CTNNA3: variants seen among roughly 807,000 people sequenced by gnomAD.
CTNNA3 encodes the protein catenin alpha 3, also known as catenin alpha-3.
Under a neutral mutation model 95.7 loss-of-function variants are expected in CTNNA3, and 76 were observed. That is an observed-to-expected ratio of 0.79 (90% CI 0.66 to 0.96). The LOEUF (loss-of-function observed/expected upper bound fraction) is 0.96. Ranked by LOEUF, CTNNA3 falls within the 40% of genes least tolerant of loss-of-function variation. CTNNA3 has a pLI of 0.00. For missense variants in CTNNA3, 1,191 were observed against 1,089.8 expected, an observed-to-expected ratio of 1.09 and a Z score of -1.31; for synonymous variants, 431 against 374.4, an observed-to-expected ratio of 1.15 and a Z score of -1.74.
At chr10:67,470,345 T>C (rs2133024470) in intron 5 of CTNNA3, among the ~76,000 whole-genome samples, 1 of 152,322 alleles carries the variant, frequency 6.6e-6, no homozygotes, top group East Asian at 1.9e-4. Context: ...TATCCATTCA[T>C]CTGTTGATGG....
chr10:66,696,708 G>C (rs1010976331), intron 9 of CTNNA3, among the ~76,000 whole-genome samples: 3 of 152,042 alleles, frequency 2.0e-5, no homozygotes, highest in African/African-American at 7.2e-5. Context: ...CCAGGCAGGA[G>C]GATCATTTGA....
chr10:67,727,993 A>G (rs946999576), intron 1 of CTNNA3, among the ~76,000 whole-genome samples: 2 of 139,314 alleles, frequency 1.4e-5, no homozygotes, highest in African/African-American at 5.3e-5. Context: ...ATATATGTAT[A>G]CATGTATATT....
At chr10:65,959,149 G>A (rs2077790725) in intron 17 of CTNNA3, among the ~76,000 whole-genome samples, 1 of 152,160 alleles carries the variant, frequency 6.6e-6, no homozygotes, top group African/African-American at 2.4e-5. Flanking sequence ...AGACTGCTGT[G>A]CCAGCAGTGA....
At chr10:65,965,078 A>G (rs1015897696) in intron 17 of CTNNA3, among the ~76,000 whole-genome samples, 4 of 152,216 alleles carry the variant, frequency 2.6e-5, no homozygotes, top group African/African-American at 4.8e-5. Context: ...TTTGAATATC[A>G]AAGACACTAT....
chr10:67,258,302 C>A (rs1866444099), intron 5 of CTNNA3, among the ~76,000 whole-genome samples: 1 of 152,058 alleles, frequency 6.6e-6, no homozygotes, highest in Admixed American at 6.6e-5. Flanking sequence ...CACCACCACA[C>A]CTGGCTAATT....
chr10:67,652,993 A>C (rs1839920053), intron 1 of CTNNA3, among the ~76,000 whole-genome samples: 1 of 152,232 alleles, frequency 6.6e-6, no homozygotes, highest in Non-Finnish European at 1.5e-5. Context: ...TTGTATTGCT[A>C]TAAGAAATAC....
chr10:66,495,442 CT>C lies in CTNNA3; in HGVS notation c.1531+25174del, dbSNP rs200299831. ...AGGCATTAATTTAAAGGAACTATGG[CT>C]AAGGGAAAAAAAAATTCTATTGTTT... is the stretch of plus-strand genomic sequence containing the variant. On this transcript the variant is annotated intron_variant, in intron 11 of 17. Transcript: ENST00000433211. Among the ~76,000 whole-genome samples the C allele has an allele frequency of 5.3e-3, 802 of 151,674 alleles. 7 individuals carry two copies. The highest frequency in any genetic ancestry group is 0.018 in the African/African-American group (754 of 41,338).
chr10:67,273,956 T>G (rs1839084085), intron 5 of CTNNA3, among the ~76,000 whole-genome samples: 2 of 152,162 alleles, frequency 1.3e-5, no homozygotes, highest in Admixed American at 1.3e-4. Flanking sequence ...TGAAACTATC[T>G]GAGGTGATGG....
rs1008513222 is a variant in CTNNA3 at position 65,913,882 on chromosome 10, T to A, written c.*6448A>T. Reference sequence around the variant, plus strand: ...ACACAGATGGGGAACTGATGTGACATACCTAAGGTTGGCCTGAGTCTGCAG... The same window carrying A: ...ACACAGATGGGGAACTGATGTGACAAACCTAAGGTTGGCCTGAGTCTGCAG... On this transcript the variant is annotated 3_prime_UTR_variant, in exon 18 of 18. Coordinates refer to ENST00000433211, the MANE Select transcript of CTNNA3 (RefSeq NM_013266.4). The A allele has an allele frequency of 4.6e-5, 7 of 152,084 alleles. No homozygotes were observed. The highest frequency in any genetic ancestry group is 1.7e-4 in the African/African-American group (7 of 41,414). 9.4% of individuals were successfully genotyped at this position (152,084 alleles called of 1,614,324 possible). A position where few individuals can be genotyped will look rare whatever the true frequency, so the allele number is the denominator to read the frequency against.
chr10:66,273,348 T>C (rs887869096), intron 13 of CTNNA3, among the ~76,000 whole-genome samples: 3 of 152,140 alleles, frequency 2.0e-5, no homozygotes, highest in African/African-American at 7.2e-5. Context: ...TGGAACAGCA[T>C]GAGGTTTCAT....
chr10:67,703,348 T>C (rs1286994486), intron 1 of CTNNA3, among the ~76,000 whole-genome samples: 13 of 152,064 alleles, frequency 8.5e-5, no homozygotes, highest in Admixed American at 8.5e-4. Flanking sequence ...ACCAATATCC[T>C]TGATGAACAT....
intron 12 of CTNNA3, among the ~76,000 whole-genome samples, chr10:66,372,830 C>T (rs2092764144): frequency 6.6e-6 from 1 of 152,230 alleles, no homozygotes; most frequent in Admixed American, 6.5e-5. Flanking sequence ...GTCACAAGAA[C>T]AGCATAGGGG....
intron 15 of CTNNA3, among the ~76,000 whole-genome samples, chr10:65,997,991 G>A (rs1217253551): frequency 6.6e-6 from 1 of 151,980 alleles, no homozygotes; most frequent in Non-Finnish European, 1.5e-5. Flanking sequence ...CTCCTGCCTG[G>A]GCAACAAGGT....
intron 12 of CTNNA3, among the ~76,000 whole-genome samples, chr10:66,326,414 G>A (rs1461200268): frequency 6.6e-6 from 1 of 151,958 alleles, no homozygotes; most frequent in African/African-American, 2.4e-5. Context: ...CTCCATCTAT[G>A]GGATTGGTAG....
At chr10:67,439,354 T>A (rs1363792238) in intron 5 of CTNNA3, among the ~76,000 whole-genome samples, 4 of 152,058 alleles carry the variant, frequency 2.6e-5, no homozygotes, top group Non-Finnish European at 5.9e-5. Context: ...TCAGGAAACA[T>A]GATGCTGGCA....
At chr10:67,423,000 T>A (rs1263476737) in intron 5 of CTNNA3, among the ~76,000 whole-genome samples, 2 of 152,198 alleles carry the variant, frequency 1.3e-5, no homozygotes, top group African/African-American at 4.8e-5. Flanking sequence ...AATATACTCT[T>A]AGATTTTATG....
intron 5 of CTNNA3, among the ~76,000 whole-genome samples, chr10:67,226,377 C>T (rs1432026097): frequency 6.6e-6 from 1 of 152,168 alleles, no homozygotes; most frequent in East Asian, 1.9e-4. Flanking sequence ...CAAAGAACAC[C>T]TGGAAAATTC....
intron 7 of CTNNA3, among the ~76,000 whole-genome samples, chr10:66,993,153 A>G (rs1466609699): frequency 3.3e-5 from 5 of 152,146 alleles, no homozygotes; most frequent in Non-Finnish European, 5.9e-5. Flanking sequence ...TAGCTGACAA[A>G]TGGGAGCTCA....
chr10:67,623,456 G>A (rs886157614), intron 2 of CTNNA3, among the ~76,000 whole-genome samples: 2 of 152,104 alleles, frequency 1.3e-5, no homozygotes, highest in Non-Finnish European at 2.9e-5. Context: ...GAATTTTGAC[G>A]AGAGTGGGGT....
Sources: allele counts gnomAD v4.1 joint callset (sites outside exome capture counted in the v4.1 genomes callset), GRCh38; gene constraint gnomAD v4.1.1; transcripts MANE v1.5; gene names NCBI Gene and HGNC (gene_info 2026-07-23, HGNC 2026-07-21).